Variants in METTL21C observed in about 807,000 individuals in gnomAD.
METTL21C encodes the protein methyltransferase 21C, AARS1 lysine.
METTL21C carries 21 observed loss-of-function variants against 25.9 expected under a neutral mutation model. The observed-to-expected ratio is 0.81, with a 90% CI of 0.58 to 1.17. The LOEUF (loss-of-function observed/expected upper bound fraction) is 1.17. Among genes scored for constraint, METTL21C ranks in the 50% most tolerant of loss-of-function variants. The pLI is 0.00. For synonymous variants in METTL21C, 125 were observed against 124.7 expected (o/e 1.00, Z -0.01); for missense variants, 312 against 315.1 (o/e 0.99, Z 0.07).
chr13:102,700,863 C>T, the METTL21C span, among the ~76,000 whole-genome samples: 13 of 152,136 alleles, frequency 8.5e-5, no homozygotes, highest in South Asian at 1.2e-3. Flanking sequence ...CACCCTACGA[C>T]TCCCAGCCAG....
At chr13:102,696,827 G>T (rs1365367289), upstream of METTL21C, among the ~76,000 whole-genome samples, 1 of 152,122 alleles carries the variant, frequency 6.6e-6, no homozygotes, top group Non-Finnish European at 1.5e-5. Context: ...CACATAGTAG[G>T]TGTTGTAATT....
intron 1 of METTL21C, among the ~76,000 whole-genome samples, chr13:102,692,203 T>A (rs185594597): frequency 6.6e-6 from 1 of 152,094 alleles, no homozygotes; most frequent in East Asian, 1.9e-4. Flanking sequence ...TGAAATAGCC[T>A]CTCAAGGTGG....
At chr13:102,702,725 G>C in the METTL21C span, among the ~76,000 whole-genome samples, 1 of 152,046 alleles carries the variant, frequency 6.6e-6, no homozygotes, top group Non-Finnish European at 1.5e-5. Context: ...CAAGTAGCTG[G>C]GATTACAGGC....
chr13:102,692,837 T>G (rs1379034179), intron 1 of METTL21C, among the ~76,000 whole-genome samples: 1 of 152,130 alleles, frequency 6.6e-6, no homozygotes, highest in Non-Finnish European at 1.5e-5. Flanking sequence ...GTAGGGAGAT[T>G]GTAGGGAAAG....
chr13:102,686,970 C>T lies in METTL21C; in HGVS notation c.370G>A (p.Gly124Ser). Reference sequence around the variant, plus strand: ...ATACTGGCCACAATGGAAACAAGGCCTGGTCCGGCACCAATTTCAAGTATT... The same window carrying T: ...ATACTGGCCACAATGGAAACAAGGCTTGGTCCGGCACCAATTTCAAGTATT... The part of the protein sequence containing the change: ...AKILEIGAGP[G>S]LVSIVASILG... Residue 124 changes from glycine (G) to serine (S), a missense_variant, in exon 3 of 4, where the codon GGC (glycine) becomes AGC (serine). Transcript: ENST00000267273. The T allele has an allele frequency of 1.2e-6, 2 of 1,614,138 alleles. No individual in the cohort carries two copies. Among genetic ancestry groups the T allele is most frequent in the Non-Finnish European group, 1.7e-6 (2 of 1,179,998 alleles).
chr13:102,702,037 G>T, the METTL21C span, among the ~76,000 whole-genome samples: 1 of 151,964 alleles, frequency 6.6e-6, no homozygotes, highest in South Asian at 2.1e-4. Flanking sequence ...GGTGGCGGGT[G>T]CCTGTAGTCC....
upstream of METTL21C, among the ~76,000 whole-genome samples, chr13:102,696,371 G>GA (rs1885947741): frequency 6.6e-6 from 1 of 151,374 alleles, no homozygotes; most frequent in Non-Finnish European, 1.5e-5. Flanking sequence ...TCAGGGGGTG[G>GA]GGGACTTAGG....
the METTL21C span, among the ~76,000 whole-genome samples, chr13:102,700,346 A>T: frequency 6.6e-6 from 1 of 152,184 alleles, no homozygotes; most frequent in Non-Finnish European, 1.5e-5. Flanking sequence ...GAGAATAGAC[A>T]TACTTAGTTG....
rs775462576 is a variant in METTL21C, at chr13:102,686,263, TC to T, written c.562del (p.Asp188IlefsTer4). 7 of 1,614,182 alleles carry T rather than the reference TC, an allele frequency of 4.3e-6. No individual in the cohort carries two copies. Among genetic ancestry groups the T allele is most frequent in the Non-Finnish European group, 5.9e-6 (7 of 1,180,028 alleles). Reference sequence around the variant, plus strand: ...GACCACATCTGAGGCTAGGACGTAATCATAGTAAAAAGCTGACTTGGGAAAG... The same window carrying T: ...GACCACATCTGAGGCTAGGACGTAATATAGTAAAAAGCTGACTTGGGAAAG... ...KNFPKSAFYY[D>X]YVLASDVVYH... On this transcript the variant is annotated frameshift_variant, in exon 4 of 4. Coordinates refer to ENST00000267273, the MANE Select transcript of METTL21C (RefSeq NM_001010977.3). LOFTEE classifies it high-confidence loss of function.
chr13:102,694,092 AC>A (rs1462580002), intron 1 of METTL21C, among the ~76,000 whole-genome samples: 1 of 151,890 alleles, frequency 6.6e-6, no homozygotes, highest in Non-Finnish European at 1.5e-5. Context: ...AGTTCTTGTT[AC>A]AAAAATACAG....
Position 102,694,576 on chromosome 13 carries a change from A to G in METTL21C, c.-78T>C, listed in dbSNP as rs1885909652. ...GACTATAATCTACTGACTGACTGTT[A>G]CTAGTTCAGCACATCTATGATCTAC... is the stretch of plus-strand genomic sequence containing the variant. On this transcript the variant is annotated 5_prime_UTR_variant, in exon 1 of 4. Transcript: ENST00000267273. 2.5e-6 allele frequency: 1 copy of G among 403,806 alleles called. No individual in the cohort carries two copies. The highest frequency in any genetic ancestry group is 5.6e-5 in the Admixed American group (1 of 17,882). The allele number at this position is 403,806 out of a possible 1,614,324, so 25.0% of individuals were successfully genotyped here. A position where few individuals can be genotyped will look rare whatever the true frequency, so the allele number is the denominator to read the frequency against.
At chr13:102,698,064 G>A (rs558801610), upstream of METTL21C, among the ~76,000 whole-genome samples, 22 of 152,312 alleles carry the variant, frequency 1.4e-4, no homozygotes, top group East Asian at 1.2e-3. Flanking sequence ...ATAAGATGCC[G>A]TTGCTCCTTT....
chr13:102,698,852 C>T (rs1050201543), upstream of METTL21C, among the ~76,000 whole-genome samples: 20 of 152,310 alleles, frequency 1.3e-4, no homozygotes, highest in African/African-American at 3.4e-4. Flanking sequence ...TATAACACAT[C>T]GGCCTTGAGA....
chr13:102,698,501 T>C (rs2138896159), upstream of METTL21C, among the ~76,000 whole-genome samples: 1 of 152,286 alleles, frequency 6.6e-6, no homozygotes, highest in East Asian at 1.9e-4. Flanking sequence ...TTGTTTTCCT[T>C]TGAGATATTC....
the METTL21C span, among the ~76,000 whole-genome samples, chr13:102,703,431 G>A: frequency 6.6e-6 from 1 of 152,140 alleles, no homozygotes; most frequent in Non-Finnish European, 1.5e-5. Flanking sequence ...TTTGCTTTTT[G>A]TTGTCTTTCA....
the METTL21C span, among the ~76,000 whole-genome samples, chr13:102,701,706 A>G: frequency 0.26 from 40,196 of 152,100 alleles, 7,908 homozygotes; most frequent in African/African-American, 0.56. Flanking sequence ...GAAAAGTACA[A>G]GGCACATGCT....
At chr13:102,692,677 C>T (rs1405511806) in intron 1 of METTL21C, among the ~76,000 whole-genome samples, 1 of 152,160 alleles carries the variant, frequency 6.6e-6, no homozygotes, top group Non-Finnish European at 1.5e-5. Flanking sequence ...GTATGTTCTA[C>T]CACTTTGAAG....
Position 102,686,072 on chromosome 13 carries a change from ACT to A in METTL21C, c.752_753del (p.Glu251ValfsTer7), listed in dbSNP as rs1375134705. On this transcript the variant is annotated frameshift_variant, in exon 4 of 4. Transcript: ENST00000267273. LOFTEE classifies it high-confidence loss of function. ...FDTTLLAEYP[E>X]SSVKLFKGIL... is the part of the protein sequence containing the mutation. ...ATCCCCTTAAAAAGTTTGACTGATG[ACT>A]CTGGATATTCAGCCAACAGTGTTGT... 2 of 1,604,732 alleles carry A rather than the reference ACT, an allele frequency of 1.2e-6. No individual in the cohort carries two copies. Among genetic ancestry groups the A allele is most frequent in the African/African-American group, 1.3e-5 (1 of 74,830 alleles).
upstream of METTL21C, among the ~76,000 whole-genome samples, chr13:102,699,032 T>C (rs545311594): frequency 7.9e-5 from 12 of 152,282 alleles, no homozygotes; most frequent in East Asian, 2.1e-3. Flanking sequence ...GCTCTTAGTC[T>C]TAAGTTCACC....
Sources: allele counts gnomAD v4.1 joint callset (sites outside exome capture counted in the v4.1 genomes callset), GRCh38; gene constraint gnomAD v4.1.1; transcripts MANE v1.5; gene names NCBI Gene and HGNC (gene_info 2026-07-23, HGNC 2026-07-21).